DCC: variants seen among roughly 807,000 people sequenced by gnomAD.
DCC encodes the protein netrin receptor DCC.
Under a neutral mutation model 172.5 loss-of-function variants are expected in DCC, and 58 were observed. The observed-to-expected ratio is 0.34, with a 90% CI of 0.27 to 0.42. The LOEUF (loss-of-function observed/expected upper bound fraction) is 0.42, where lower values mean the gene tolerates loss of function less well. Ranked by LOEUF, DCC falls within the 10% of genes least tolerant of loss-of-function variation. DCC has a pLI of 1.00. For missense variants in DCC, 1,740 were observed against 1,791.0 expected (o/e 0.97, Z 0.51); for synonymous variants, 709 against 644.5 (o/e 1.10, Z -1.52).
chr18:52,835,201 A>G (rs746008473), intron 2 of DCC, among the ~76,000 whole-genome samples: 4 of 152,292 alleles, frequency 2.6e-5, no homozygotes, highest in African/African-American at 4.8e-5. Flanking sequence ...GCCATGGATA[A>G]ACTGGTTGTT....
intron 1 of DCC, among the ~76,000 whole-genome samples, chr18:52,586,367 T>C (rs750907919): frequency 1.3e-5 from 2 of 152,170 alleles, no homozygotes; most frequent in Non-Finnish European, 2.9e-5. Flanking sequence ...CTGTATTCCA[T>C]GCATGTTCTT....
chr18:52,685,504 TG>T (rs2035816477), intron 1 of DCC, among the ~76,000 whole-genome samples: 2 of 152,080 alleles, frequency 1.3e-5, no homozygotes, highest in Non-Finnish European at 1.5e-5. Context: ...GGGAGGTGTT[TG>T]GGGGTGGTAC....
At chr18:53,198,836 A>C (rs2144531635) in intron 9 of DCC, among the ~76,000 whole-genome samples, 1 of 152,310 alleles carries the variant, frequency 6.6e-6, no homozygotes, top group South Asian at 2.1e-4. Context: ...AAATCTTTCC[A>C]TTCTTTGAAG....
chr18:52,651,173 T>C (rs1047437690), intron 1 of DCC, among the ~76,000 whole-genome samples: 2 of 152,186 alleles, frequency 1.3e-5, no homozygotes, highest in Admixed American at 1.3e-4. Context: ...TTTATATATT[T>C]ATTTTTTGAG....
intron 1 of DCC, among the ~76,000 whole-genome samples, chr18:52,387,635 T>TTCC (rs1568145208): frequency 1.4e-5 from 1 of 72,928 alleles, no homozygotes; most frequent in Non-Finnish European, 2.9e-5. Flanking sequence ...TCCTTCCTTC[T>TTCC]GTCCTTCCAG....
At chr18:52,485,938 A>C (rs1294000109) in intron 1 of DCC, among the ~76,000 whole-genome samples, 1 of 152,116 alleles carries the variant, frequency 6.6e-6, no homozygotes, top group African/African-American at 2.4e-5. Flanking sequence ...AAGCATGCAG[A>C]AAAGAAAACA....
chr18:53,111,338 A>G (rs1295828453), intron 7 of DCC, among the ~76,000 whole-genome samples: 1 of 151,076 alleles, frequency 6.6e-6, no homozygotes, highest in Non-Finnish European at 1.5e-5. Context: ...AACATGGCAC[A>G]TGTATACATA....
In DCC at chr18:53,428,096, TATATA is replaced by T. The variant is rs1328556250; in HGVS notation, c.3164-7034_3164-7030del. ...TATAATATATTATAATAATATATAA[TATATA>T]ATATAATATAATAATATATAATATA... On this transcript the variant is annotated intron_variant, in intron 21 of 28. Coordinates refer to ENST00000442544, the MANE Select transcript of DCC (RefSeq NM_005215.4). Among the ~76,000 whole-genome samples the T allele has an allele frequency of 4.2e-3, 45 of 10,620 alleles. 2 individuals carry two copies. Among genetic ancestry groups the T allele is most frequent in the African/African-American group, 0.016 (45 of 2,750 alleles). The allele number at this position is 10,620 out of a possible 152,430, so 7.0% of individuals were successfully genotyped here.
intron 2 of DCC, among the ~76,000 whole-genome samples, chr18:52,863,847 C>CAAGGAACTTA (rs1258587592): frequency 6.6e-6 from 1 of 151,922 alleles, no homozygotes; most frequent in Admixed American, 6.6e-5. Context: ...ATCATAAAAG[C>CAAGGAACTTA]AAGGACCTTA....
At chr18:52,802,658 T>C (rs1160176270) in intron 2 of DCC, among the ~76,000 whole-genome samples, 7 of 77,312 alleles carry the variant, frequency 9.1e-5, no homozygotes, top group African/African-American at 3.4e-4. Flanking sequence ...TTTTTTTTTT[T>C]TTTTTTTTTT....
At chr18:53,044,509 G>C (rs552617815) in intron 5 of DCC, among the ~76,000 whole-genome samples, 1 of 151,582 alleles carries the variant, frequency 6.6e-6, no homozygotes, top group African/African-American at 2.4e-5. Context: ...AAAATATAAG[G>C]CATGGACTAG....
At chr18:53,095,887 G>A (rs1466259367) in intron 7 of DCC, among the ~76,000 whole-genome samples, 2 of 149,072 alleles carry the variant, frequency 1.3e-5, no homozygotes, top group Non-Finnish European at 3.0e-5. Flanking sequence ...GTAGGCAGTC[G>A]GTAACTATTC....
chr18:52,634,660 A>T (rs2034739034), intron 1 of DCC, among the ~76,000 whole-genome samples: 1 of 152,208 alleles, frequency 6.6e-6, no homozygotes, highest in African/African-American at 2.4e-5. Context: ...TACAGATTTT[A>T]CTGATTGGTT....
intron 7 of DCC, among the ~76,000 whole-genome samples, chr18:53,082,890 A>T (rs1242169156): frequency 1.3e-5 from 2 of 151,700 alleles, no homozygotes; most frequent in Non-Finnish European, 2.9e-5. Context: ...TCATTCCTAG[A>T]CTCCAGTTTG....
chr18:52,751,892 G>C, intron 1 of DCC, 162 bp from the exon 2 acceptor site: 1 of 623,194 alleles, frequency 1.6e-6, no homozygotes, highest in South Asian at 2.0e-5. Flanking sequence ...GTACTTTTTT[G>C]CTTATTTAAC....
chr18:52,844,519 G>A (rs2038855414), intron 2 of DCC, among the ~76,000 whole-genome samples: 1 of 152,130 alleles, frequency 6.6e-6, no homozygotes, highest in Non-Finnish European at 1.5e-5. Flanking sequence ...TTCCAAAGGA[G>A]TTTGCAACCA....
intron 2 of DCC, among the ~76,000 whole-genome samples, chr18:52,769,546 T>A (rs1372113502): frequency 6.6e-6 from 1 of 152,226 alleles, no homozygotes; most frequent in East Asian, 1.9e-4. Context: ...CTTGATGGCA[T>A]CCTTCATGGA....
chr18:53,078,473 C>T (rs899234838), intron 7 of DCC, among the ~76,000 whole-genome samples: 9 of 152,068 alleles, frequency 5.9e-5, no homozygotes, highest in African/African-American at 2.2e-4. Context: ...TTGACCCTAT[C>T]TTACGAGGAT....
At chr18:53,148,211 C>T (rs767850559) in intron 7 of DCC, among the ~76,000 whole-genome samples, 26 of 152,142 alleles carry the variant, frequency 1.7e-4, no homozygotes, top group Non-Finnish European at 2.8e-4. Flanking sequence ...ATATCAGCAA[C>T]GCATGTGTTC....
Sources: gnomAD v4.1 joint callset for allele counts (sites outside exome capture counted in the v4.1 genomes callset) on GRCh38, gnomAD v4.1.1 for gene constraint, MANE v1.5 for transcripts, NCBI Gene and HGNC (gene_info 2026-07-23, HGNC 2026-07-21) for gene names.